TUBGCP5: variants seen among roughly 807,000 people sequenced by gnomAD.
The protein encoded by TUBGCP5 is gamma-tubulin complex component 5.
TUBGCP5 carries 98 observed loss-of-function variants against 134.7 expected under a neutral mutation model. The observed-to-expected ratio is 0.73, with a 90% confidence interval of 0.62 to 0.86. The LOEUF is 0.86. Among genes scored for constraint, TUBGCP5 ranks in the 40% least tolerant of loss-of-function variants. The probability of loss-of-function intolerance (pLI) is 0.00; values close to 1 mark genes in which losing one functional copy is unlikely to be tolerated. For synonymous variants in TUBGCP5, 456 were observed against 431.4 expected (o/e 1.06, Z -0.71); for missense variants, 1,150 against 1,244.8 (o/e 0.92, Z 1.15).
chr15:23,016,485 ACT>A lies in TUBGCP5; in HGVS notation c.1756+1286_1756+1287del, dbSNP rs1429526397. Among the ~76,000 whole-genome samples, 6 of 147,890 alleles carry A rather than the reference ACT, an allele frequency of 4.1e-5. 1 individual carries two copies. Among genetic ancestry groups the A allele is most frequent in the Non-Finnish European group, 8.9e-5 (6 of 67,388 alleles). On this transcript the variant is annotated intron_variant, in intron 13 of 22. Transcript: ENST00000615383. ...CTCCAGCCTGGGTGATGGGAGTAAA[ACT>A]CTGTCTCAGGAAAAAAAAAAAAAAA... is the stretch of plus-strand genomic sequence containing the variant.
rs1055734059 is a variant in TUBGCP5, at chr15:23,006,097, G to C, written c.2488C>G (p.Gln830Glu). The change falls in exon 18 of 23, where the codon CAA becomes GAA. Residue 830 changes from glutamine to glutamate, a missense_variant. By Grantham distance (29) the Gln-to-Glu change is conservative. Coordinates refer to ENST00000615383, the MANE Select transcript of TUBGCP5 (RefSeq NM_052903.6). Reference sequence around the variant, plus strand: ...AGACTATATTTTGCCCACTTTATTTGCAATAAGAGAAGAAACACTTGATTA... The same window carrying C: ...AGACTATATTTTGCCCACTTTATTTCCAATAAGAGAAGAAACACTTGATTA... The part of the protein sequence containing the change: ...IYNQVFLLLL[Q>E]IKWAKYSLDV... The C allele has an allele frequency of 1.4e-5, 22 of 1,611,712 alleles. No homozygotes were observed. The highest frequency in any genetic ancestry group is 1.9e-5 in the Non-Finnish European group (22 of 1,179,460).
intron 6 of TUBGCP5, among the ~76,000 whole-genome samples, chr15:23,030,653 T>C (rs763890052): frequency 9.0e-5 from 13 of 144,264 alleles, no homozygotes; most frequent in Non-Finnish European, 1.8e-4. Context: ...TTCTCAGAAG[T>C]ATAGGAAAAA....
Position 23,031,035 on chromosome 15 carries a change from A to G in TUBGCP5, c.487-15T>C, listed in dbSNP as rs765277403. 33 of 1,604,826 alleles carry G rather than the reference A, an allele frequency of 2.1e-5. No homozygotes were observed. The highest frequency in any genetic ancestry group is 3.4e-6 in the Non-Finnish European group (4 of 1,177,504). On this transcript the variant is annotated splice_polypyrimidine_tract_variant and intron_variant, in intron 5 of 22. Transcript: ENST00000615383. ...TCAGACCAATTCTGATTTAAAAAAG[A>G]GATACACTTTAGCTTTACAGAGTAT...
chr15:23,026,857 C>G (rs531759718), intron 7 of TUBGCP5, among the ~76,000 whole-genome samples: 3 of 152,096 alleles, frequency 2.0e-5, no homozygotes, highest in Non-Finnish European at 4.4e-5. Context: ...TGCTGGAACC[C>G]GGGAGGCAGA....
intron 16 of TUBGCP5, among the ~76,000 whole-genome samples, chr15:23,007,052 G>A (rs1033465298): frequency 1.1e-4 from 16 of 152,158 alleles, no homozygotes; most frequent in African/African-American, 3.9e-4. Context: ...TTCCAAATCA[G>A]AGATGTCACA....
chr15:22,994,247 CTGG>C (rs1567084322), downstream of TUBGCP5, among the ~76,000 whole-genome samples: 1 of 152,024 alleles, frequency 6.6e-6, no homozygotes, highest in Non-Finnish European at 1.5e-5. Flanking sequence ...ACCACCACGC[CTGG>C]CTAATTGTTT....
intron 19 of TUBGCP5, 117 bp downstream of exon 19, chr15:23,005,315 T>C (rs2064637080): frequency 1.7e-6 from 2 of 1,178,464 alleles, no homozygotes; most frequent in South Asian, 1.7e-5. Flanking sequence ...ATTTGCTACA[T>C]GTCCCGTTTT....
chr15:23,032,660 G>T, intron 4 of TUBGCP5, 68 bp downstream of exon 4: 1 of 1,091,404 alleles, frequency 9.2e-7, no homozygotes, highest in Non-Finnish European at 1.3e-6. Context: ...AAAACTCAGT[G>T]TTTAGCAACT....
rs2066028787 is a variant in TUBGCP5, at chr15:23,027,201, G to C, written c.728C>G (p.Ala243Gly). 1.2e-6 allele frequency: 2 copies of C among 1,611,692 alleles called. No homozygotes were observed. The highest frequency in any genetic ancestry group is 1.7e-5 in the Admixed American group (1 of 59,804). ...AACTTTAGCTTCTTACCAGACAGCAGCTAAATTAGAGTGCAAATGTAAACT... is the reference window on the plus strand; with the variant it reads ...AACTTTAGCTTCTTACCAGACAGCACCTAAATTAGAGTGCAAATGTAAACT... ...PHSLHLHSNLAAVWDQHLYSS... is the reference protein window; with the variant it reads ...PHSLHLHSNLGAVWDQHLYSS... Residue 243 changes from alanine (A) to glycine (G), a missense_variant, in exon 7 of 23, where the codon GCT becomes GGT. By Grantham distance (60) the Ala-to-Gly change is moderately conservative (BLOSUM62 0). Coordinates refer to ENST00000615383, the MANE Select transcript of TUBGCP5 (RefSeq NM_052903.6).
chr15:23,033,294 C>A (rs1245467455), intron 3 of TUBGCP5, among the ~76,000 whole-genome samples: 1 of 151,798 alleles, frequency 6.6e-6, no homozygotes, highest in Non-Finnish European at 1.5e-5. Flanking sequence ...TTTTTTCCCC[C>A]CGAGATGGAT....
rs1431939383 is a variant in TUBGCP5, at chr15:23,031,990, T to C, written c.446A>G (p.Glu149Gly). The C allele has an allele frequency of 1.2e-6, 2 of 1,612,776 alleles. No homozygotes were observed. The highest frequency in any genetic ancestry group is 8.5e-7 in the Non-Finnish European group (1 of 1,179,260). The change falls in exon 5 of 23, where the codon GAA becomes GGA. Residue 149 changes from glutamate (E) to glycine (G), a missense_variant. Coordinates refer to ENST00000615383, the MANE Select transcript of TUBGCP5 (RefSeq NM_052903.6). ...DDFDWGKYLM[E>G]DEEMDIGPYM... ...CGGACCAATGTCCATTTCTTCATCT[T>C]CCATCAAGTATTTTCCCCAGTCGAA...
At chr15:23,025,237 C>T (rs1195153545) in intron 8 of TUBGCP5, among the ~76,000 whole-genome samples, 6 of 151,928 alleles carry the variant, frequency 3.9e-5, no homozygotes, top group Admixed American at 1.3e-4. Context: ...GAATTAGGGG[C>T]AAAAAGGTCA....
At chr15:23,008,655 T>C (rs1289356363) in intron 16 of TUBGCP5, 44 bp downstream of exon 16, 1 of 1,583,874 alleles carries the variant, frequency 6.3e-7, no homozygotes, top group Admixed American at 1.8e-5. Flanking sequence ...TGGCACATAG[T>C]TCATGTTACA....
At chr15:22,993,430 A>C (rs1438641915) in intron 23 of TUBGCP5, among the ~76,000 whole-genome samples, 1 of 116,460 alleles carries the variant, frequency 8.6e-6, no homozygotes, top group African/African-American at 3.3e-5. Flanking sequence ...ACATGAACTT[A>C]CTCTGCCGCC....
intron 3 of TUBGCP5, among the ~76,000 whole-genome samples, chr15:23,034,719 C>A (rs563988734): frequency 2.0e-5 from 3 of 151,842 alleles, no homozygotes; most frequent in African/African-American, 4.8e-5. Flanking sequence ...ATTAGCCGGG[C>A]GGGGTGGTGT....
At chr15:23,000,125 G>A (rs1165929469) in intron 22 of TUBGCP5, among the ~76,000 whole-genome samples, 1 of 151,880 alleles carries the variant, frequency 6.6e-6, no homozygotes. Context: ...AGGCCAGGCT[G>A]GTCTTCCAAC....
At chr15:23,039,286 C>G (rs896381965) in intron 1 of TUBGCP5, 112 bp downstream of exon 1, 2 of 1,175,194 alleles carry the variant, frequency 1.7e-6, no homozygotes, top group Non-Finnish European at 2.1e-6. Flanking sequence ...TGAGGCCGCG[C>G]CCGCCTCCGC....
chr15:23,025,055 C>A (rs2065912922), intron 8 of TUBGCP5, among the ~76,000 whole-genome samples: 1 of 152,064 alleles, frequency 6.6e-6, no homozygotes, highest in Admixed American at 6.5e-5. Flanking sequence ...GTGCATGTCA[C>A]CATGCCTGGC....
chr15:23,005,067 A>G (rs1175307522), intron 19 of TUBGCP5, among the ~76,000 whole-genome samples: 1 of 152,138 alleles, frequency 6.6e-6, no homozygotes, highest in Non-Finnish European at 1.5e-5. Context: ...TTCCTCCCAC[A>G]CACCGTAGTG....
Sources: gnomAD v4.1 joint callset for allele counts (sites outside exome capture counted in the v4.1 genomes callset) on GRCh38, gnomAD v4.1.1 for gene constraint, MANE v1.5 for transcripts, NCBI Gene and HGNC (gene_info 2026-07-23, HGNC 2026-07-21) for gene names.